The following KLRD1 variants were observed in gnomAD, a reference collection of about 807,000 sequenced individuals.
The protein encoded by KLRD1 is killer cell lectin like receptor D1, also known as natural killer cells antigen CD94.
A neutral mutation model predicts 22.6 loss-of-function variants in KLRD1; 21 were observed. That is an observed-to-expected ratio of 0.93 (90% CI 0.66 to 1.34). The LOEUF is 1.34. Ranked by LOEUF, KLRD1 falls within the 40% of genes most tolerant of loss-of-function variation. The probability of loss-of-function intolerance (pLI) is 0.00; values close to 1 mark genes in which losing one functional copy is unlikely to be tolerated. For missense variants in KLRD1, 183 were observed against 208.6 expected, an observed-to-expected ratio of 0.88 and a Z score of 0.76; for synonymous variants, 59 against 71.1, an observed-to-expected ratio of 0.83 and a Z score of 0.85.
At chr12:10,283,942 G>A (rs1010963297) in intron 1 of KLRD1, among the ~76,000 whole-genome samples, 2 of 151,482 alleles carry the variant, frequency 1.3e-5, no homozygotes, top group Non-Finnish European at 2.9e-5. Context: ...TTGGGAGGCC[G>A]AGGTGGGCGG....
In KLRD1 at chr12:10,328,767, TGA is replaced by T. The variant is rs1950383429; in HGVS notation, c.*13979_*13980del. 6.6e-6 allele frequency: 1 copy of T among 152,196 alleles called. No individual in the cohort carries two copies. Among genetic ancestry groups the T allele is most frequent in the African/African-American group, 2.4e-5 (1 of 41,458 alleles). 9.4% of individuals were successfully genotyped at this position (152,196 alleles called of 1,614,324 possible). ...TTCACACTGTTGATAAAGACTTAAC[TGA>T]GAGACTGGGTAATTTGTAAAGAAAA... On this transcript the variant is annotated 3_prime_UTR_variant, in exon 6 of 6. Coordinates refer to ENST00000336164, the MANE Select transcript of KLRD1 (RefSeq NM_002262.5).
rs1279683667 is a variant in KLRD1, at chr12:10,321,603, G to A, written c.*6810G>A. ...CCAAGAGAATAAGGCAGAAGTTATC[G>A]CATATCACTTTTGAGGCTAGATTAT... On this transcript the variant is annotated 3_prime_UTR_variant, in exon 6 of 6. Transcript: ENST00000336164. 1 of 152,138 alleles carries A rather than the reference G, an allele frequency of 6.6e-6. No homozygotes were observed. Among genetic ancestry groups the A allele is most frequent in the Non-Finnish European group, 1.5e-5 (1 of 68,014 alleles). The allele number at this position is 152,138 out of a possible 1,614,324, so 9.4% of individuals were successfully genotyped here.
chr12:10,254,297 G>A (rs1314397975), intron 1 of KLRD1, among the ~76,000 whole-genome samples: 2 of 150,638 alleles, frequency 1.3e-5, no homozygotes, highest in African/African-American at 2.4e-5. Context: ...GCGCGGTGGA[G>A]GGCGCCTGTA....
At chr12:10,257,139 C>CTTTTTTTT (rs55950006) in intron 1 of KLRD1, among the ~76,000 whole-genome samples, 40 of 130,236 alleles carry the variant, frequency 3.1e-4, no homozygotes, top group African/African-American at 5.9e-4. Flanking sequence ...CTTTTCTTTT[C>CTTTTTTTT]TTTTTTTTTT....
rs749059347 is a variant in KLRD1 at position 10,309,455 on chromosome 12, T to C, written c.75T>C (p.Ser25=). 3 of 1,524,596 alleles carry C rather than the reference T, an allele frequency of 2.0e-6. No individual in the cohort carries two copies. Among genetic ancestry groups the C allele is most frequent in the Non-Finnish European group, 2.7e-6 (3 of 1,098,190 alleles). The allele number at this position is 1,524,596 out of a possible 1,614,324, so 94.4% of individuals were successfully genotyped here. A position where few individuals can be genotyped will look rare whatever the true frequency, so the allele number is the denominator to read the frequency against. The change falls in exon 2 of 6, where the codon TCT becomes TCC. Residue 25 remains serine (S), a synonymous_variant. Transcript: ENST00000336164. ...GGATAATATGCCTTTCGTTGATGTCTACGTTGGGAATTTTGTTGAAAAATT... is the reference window on the plus strand; with the variant it reads ...GGATAATATGCCTTTCGTTGATGTCCACGTTGGGAATTTTGTTGAAAAATT... ...TLGIICLSLM[S]TLGILLKNSF...
Position 10,253,187 on chromosome 12 carries a change from T to A in KLRD1, c.-101+26954T>A, listed in dbSNP as rs1949360955. On this transcript the variant is annotated intron_variant, in intron 1 of 5. Transcript: ENST00000544747. ...CTAGCAATTTGGAAACATTTCAATT[T>A]CAGTATTTAAATCTCAGTTTTCAAC... Among the ~76,000 whole-genome samples the A allele has an allele frequency of 2.0e-5, 3 of 152,134 alleles. No individual in the cohort carries two copies. The South Asian group carries it at 6.2e-4, about 32-fold the overall frequency.
Position 10,319,673 on chromosome 12 carries a change from T to C in KLRD1, c.*4880T>C, listed in dbSNP as rs1950292493. The C allele has an allele frequency of 6.6e-6, 1 of 152,052 alleles. No homozygotes were observed. Among genetic ancestry groups the C allele is most frequent in the Non-Finnish European group, 1.5e-5 (1 of 68,040 alleles). 9.4% of individuals were successfully genotyped at this position (152,052 alleles called of 1,614,324 possible). On this transcript the variant is annotated 3_prime_UTR_variant, in exon 6 of 6. Transcript: ENST00000336164. ...ACAGCCAGCAAGGAACTGAAGTCTA[T>C]TTCCAATAGCCATGCTATGAGCCTT...
chr12:10,270,435 A>G (rs985186067), intron 1 of KLRD1, among the ~76,000 whole-genome samples: 3 of 152,204 alleles, frequency 2.0e-5, no homozygotes, highest in Non-Finnish European at 2.9e-5. Context: ...ACAATGCACC[A>G]TGGAGACACG....
At chr12:10,249,470 T>G (rs1488762564) in intron 1 of KLRD1, among the ~76,000 whole-genome samples, 1 of 152,126 alleles carries the variant, frequency 6.6e-6, no homozygotes, top group Non-Finnish European at 1.5e-5. Context: ...AAAAGTAGAT[T>G]AGGGAATTCA....
intron 1 of KLRD1, among the ~76,000 whole-genome samples, chr12:10,289,317 A>G (rs1949743235): frequency 6.6e-6 from 1 of 152,234 alleles, no homozygotes; most frequent in African/African-American, 2.4e-5. Context: ...ACACCTTGCT[A>G]GGTCCTATAT....
intron 3 of KLRD1, among the ~76,000 whole-genome samples, chr12:10,310,187 C>T (rs1319431697): frequency 6.6e-6 from 1 of 152,226 alleles, no homozygotes; most frequent in African/African-American, 2.4e-5. Context: ...TCTTGGCTCA[C>T]TGCCACATCA....
chr12:10,243,875 G>T (rs1565445191), intron 1 of KLRD1, among the ~76,000 whole-genome samples: 1 of 152,120 alleles, frequency 6.6e-6, no homozygotes, highest in Non-Finnish European at 1.5e-5. Flanking sequence ...ATGATTCCGT[G>T]TTTATTTTTA....
chr12:10,300,172 A>G (rs995882074), upstream of KLRD1, among the ~76,000 whole-genome samples: 5 of 152,180 alleles, frequency 3.3e-5, no homozygotes, highest in Non-Finnish European at 4.4e-5. Flanking sequence ...CATTCAGAAT[A>G]GTGACTCCAT....
Position 10,290,556 on chromosome 12 carries a change from C to T in KLRD1, c.-100-17422C>T, listed in dbSNP as rs187452677. Among the ~76,000 whole-genome samples the T allele has an allele frequency of 1.5e-4, 23 of 152,240 alleles. No individual in the cohort carries two copies. The East Asian group carries it at 2.1e-3, about 14-fold the overall frequency. On this transcript the variant is annotated intron_variant, in intron 1 of 5. Transcript: ENST00000544747. The stretch of plus-strand genomic sequence containing the variant: ...CATAATAGAATGCCTGATACATGCA[C>T]GCACAAACACACACACATTGAAATG...
At chr12:10,250,911 A>G (rs1487876934) in intron 1 of KLRD1, among the ~76,000 whole-genome samples, 2 of 152,150 alleles carry the variant, frequency 1.3e-5, no homozygotes, top group African/African-American at 2.4e-5. Flanking sequence ...TTTCTGGTTA[A>G]GGAAAGGATA....
At chr12:10,283,251 C>T (rs1949663411) in intron 1 of KLRD1, among the ~76,000 whole-genome samples, 1 of 152,168 alleles carries the variant, frequency 6.6e-6, no homozygotes. Flanking sequence ...GAGGCAGTTG[C>T]TATTTGGCAG....
intron 1 of KLRD1, among the ~76,000 whole-genome samples, chr12:10,244,467 T>C (rs1188726143): frequency 6.6e-6 from 1 of 152,274 alleles, no homozygotes; most frequent in East Asian, 1.9e-4. Context: ...AAGTTTTCAT[T>C]TCCAATAAAC....
rs1430901840 is a variant in KLRD1 at position 10,319,239 on chromosome 12, C to T, written c.*4446C>T. The T allele has an allele frequency of 6.6e-6, 1 of 152,204 alleles. No individual in the cohort carries two copies. Among genetic ancestry groups the T allele is most frequent in the East Asian group, 1.9e-4 (1 of 5,194 alleles). The allele number at this position is 152,204 out of a possible 1,614,324, so 9.4% of individuals were successfully genotyped here. On this transcript the variant is annotated 3_prime_UTR_variant, in exon 6 of 6. Coordinates refer to ENST00000336164, the MANE Select transcript of KLRD1 (RefSeq NM_002262.5). ...AGAATATAAGGCCATAAATTCTACT[C>T]TCTGCTTTATTCTTTTCCAGGTCAC...
upstream of KLRD1, among the ~76,000 whole-genome samples, chr12:10,305,604 C>G (rs1949909818): frequency 6.6e-6 from 1 of 152,122 alleles, no homozygotes; most frequent in South Asian, 2.1e-4. Flanking sequence ...TATAGCAAAT[C>G]ACAAGATTCG....
Sources: gnomAD v4.1 joint callset for allele counts (sites outside exome capture counted in the v4.1 genomes callset) on GRCh38, gnomAD v4.1.1 for gene constraint, MANE v1.5 for transcripts, NCBI Gene and HGNC (gene_info 2026-07-23, HGNC 2026-07-21) for gene names.